PXYLP1: variants seen among roughly 807,000 people sequenced by gnomAD.
PXYLP1 encodes the protein acid phosphatase-like 2.
Under a neutral mutation model 37.9 loss-of-function variants are expected in PXYLP1, and 17 were observed. The ratio of observed to expected loss-of-function variants is 0.45; its 90% CI spans 0.31 to 0.67. PXYLP1 has a LOEUF of 0.67. Ranked by LOEUF, PXYLP1 falls within the 30% of genes least tolerant of loss-of-function variation. PXYLP1 has a pLI of 0.07. For synonymous variants in PXYLP1, 221 were observed against 232.2 expected (o/e 0.95, Z 0.44); for missense variants, 511 against 612.0 (o/e 0.84, Z 1.74).
intron 2 of PXYLP1, among the ~76,000 whole-genome samples, chr3:141,266,813 A>G (rs927033704): frequency 2.0e-5 from 3 of 152,054 alleles, no homozygotes; most frequent in Non-Finnish European, 4.4e-5. Context: ...CTGATCCCCT[A>G]TATCCCCTCC....
At position 141,274,305 on chromosome 3, in the gene PXYLP1, G is replaced by C. The variant is rs560018417; in HGVS notation, c.80-4037G>C. ...AGGCCCCTTCCCAGCCTTCCTCCTG[G>C]AGCCCGGCCTGCACATCGACCCTGG... On this transcript the variant is annotated intron_variant, in intron 2 of 5. Transcript: ENST00000286353. 46 of 1,361,226 alleles carry C rather than the reference G, an allele frequency of 3.4e-5. No homozygotes were observed. In the African/African-American group the frequency reaches 6.1e-4, roughly 18 times the overall value. The allele number at this position is 1,361,226 out of a possible 1,614,324, so 84.3% of individuals were successfully genotyped here.
chr3:141,282,285 G>T (rs1442199916), intron 4 of PXYLP1, among the ~76,000 whole-genome samples: 5 of 152,096 alleles, frequency 3.3e-5, no homozygotes, highest in Non-Finnish European at 4.4e-5. Context: ...TCTCTAGAAG[G>T]CTCTTCCCAC....
At chr3:141,276,920 C>A (rs1231593874) in intron 2 of PXYLP1, among the ~76,000 whole-genome samples, 2 of 152,206 alleles carry the variant, frequency 1.3e-5, no homozygotes, top group African/African-American at 2.4e-5. Flanking sequence ...TTATGAAAAA[C>A]AGTATCACAC....
At chr3:141,256,068 C>T (rs759844999) in intron 1 of PXYLP1, among the ~76,000 whole-genome samples, 2 of 152,188 alleles carry the variant, frequency 1.3e-5, no homozygotes, top group Non-Finnish European at 2.9e-5. Flanking sequence ...GGCCAGTGGC[C>T]AGGATTTGAA....
chr3:141,291,569 C>G (rs1263202549), intron 5 of PXYLP1: 1 of 152,098 alleles, frequency 6.6e-6, no homozygotes, highest in Non-Finnish European at 1.5e-5. Context: ...CTTATTTTTC[C>G]CTCTCTTTCT....
At chr3:141,253,692 T>TA (rs5853027) in intron 1 of PXYLP1, among the ~76,000 whole-genome samples, 39,913 of 144,526 alleles carry the variant, frequency 0.28, 6,595 homozygotes, top group African/African-American at 0.48. Context: ...GAAACTTTTC[T>TA]AAAAAAAAAA....
chr3:141,241,336 A>G (rs1334571052), intron 1 of PXYLP1, among the ~76,000 whole-genome samples: 1 of 135,906 alleles, frequency 7.4e-6, no homozygotes, highest in African/African-American at 2.8e-5. Context: ...CTTCCCCTAC[A>G]CACCTGTTGA....
At chr3:141,262,587 C>G (rs192896668) in intron 2 of PXYLP1, 2 of 1,431,164 alleles carry the variant, frequency 1.4e-6, no homozygotes, top group Non-Finnish European at 1.9e-6. Context: ...TTTAGGAAAG[C>G]CAATTTTCAG....
intron 1 of PXYLP1, among the ~76,000 whole-genome samples, chr3:141,250,412 C>T (rs4683588): frequency 0.84 from 128,062 of 152,270 alleles, 54,430 homozygotes; most frequent in African/African-American, 0.96. Context: ...TGCTCACTTA[C>T]TCCTAACAGA....
intron 4 of PXYLP1, among the ~76,000 whole-genome samples, chr3:141,281,669 G>C (rs1941959533): frequency 6.6e-6 from 1 of 152,192 alleles, no homozygotes; most frequent in Non-Finnish European, 1.5e-5. Flanking sequence ...GGGGACATGG[G>C]GTGGCAGATC....
rs139514136 is a variant in PXYLP1 at position 141,243,389 on chromosome 3, T to C, written c.-54+11478T>C. ...CAGGCGTATGCTGAGAAACTTTCAG[T>C]GGCTCCCTACTCCTACGGGAACCCA... On this transcript the variant is annotated intron_variant, in intron 1 of 5. Transcript: ENST00000286353. Among the ~76,000 whole-genome samples the C allele has an allele frequency of 1.4e-3, 214 of 152,322 alleles. 1 individual carries two copies. Among genetic ancestry groups the C allele is most frequent in the Middle Eastern group, 0.014 (4 of 294 alleles).
intron 3 of PXYLP1, 40 bp from the exon 4 acceptor site, chr3:141,279,338 C>G (rs1475030847): frequency 6.2e-7 from 1 of 1,612,232 alleles, no homozygotes; most frequent in Non-Finnish European, 8.5e-7. Flanking sequence ...GGATTGACAC[C>G]TATTGAGTGA....
At chr3:141,255,362 G>A (rs74369399) in intron 1 of PXYLP1, among the ~76,000 whole-genome samples, 1,594 of 152,318 alleles carry the variant, frequency 0.01, 14 homozygotes, top group Non-Finnish European at 0.015. Flanking sequence ...GTTCAGCCTG[G>A]ACATATAACA....
intron 2 of PXYLP1, among the ~76,000 whole-genome samples, chr3:141,267,919 C>A (rs900934884): frequency 6.6e-6 from 1 of 152,008 alleles, no homozygotes; most frequent in Admixed American, 6.6e-5. Context: ...CTCTTCTTCC[C>A]TTTTTTCTTC....
intron 1 of PXYLP1, among the ~76,000 whole-genome samples, chr3:141,243,639 T>A (rs1343438450): frequency 6.6e-6 from 1 of 152,214 alleles, no homozygotes; most frequent in Non-Finnish European, 1.5e-5. Flanking sequence ...CCCCCACCCC[T>A]CGGGTGCCTG....
chr3:141,254,206 C>T (rs1941207141), intron 1 of PXYLP1, among the ~76,000 whole-genome samples: 1 of 152,238 alleles, frequency 6.6e-6, no homozygotes, highest in Non-Finnish European at 1.5e-5. Context: ...AGCTACCACG[C>T]CCGGCCCCTC....
chr3:141,275,631 T>C (rs549130557), intron 2 of PXYLP1, among the ~76,000 whole-genome samples: 1 of 152,346 alleles, frequency 6.6e-6, no homozygotes, highest in African/African-American at 2.4e-5. Flanking sequence ...GAATTCCCTC[T>C]GAACACCTGG....
At chr3:141,275,326 AC>A (rs1941766534) in intron 2 of PXYLP1, among the ~76,000 whole-genome samples, 1 of 152,142 alleles carries the variant, frequency 6.6e-6, no homozygotes, top group African/African-American at 2.4e-5. Flanking sequence ...AACAGGCCTC[AC>A]CCCGGGTGCT....
intron 1 of PXYLP1, among the ~76,000 whole-genome samples, chr3:141,245,423 A>G (rs7638594): frequency 0.061 from 9,349 of 152,214 alleles, 475 homozygotes; most frequent in Admixed American, 0.13. Context: ...AAACATATGC[A>G]TAACTATACA....
Sources: gnomAD v4.1 joint callset for allele counts (sites outside exome capture counted in the v4.1 genomes callset) on GRCh38, gnomAD v4.1.1 for gene constraint, MANE v1.5 for transcripts, NCBI Gene and HGNC (gene_info 2026-07-23, HGNC 2026-07-21) for gene names.